Variants in TMEM108 observed in about 807,000 individuals in gnomAD.
TMEM108 encodes the protein cancer/testis antigen 124.
TMEM108 carries 12 observed loss-of-function variants against 35.1 expected under a neutral mutation model. That is an observed-to-expected ratio of 0.34 (90% CI 0.22 to 0.55). The LOEUF (loss-of-function observed/expected upper bound fraction) is 0.55, where lower values mean the gene tolerates loss of function less well. Ranked by LOEUF, TMEM108 falls within the 20% of genes least tolerant of loss-of-function variation. The pLI, the probability that TMEM108 is intolerant of heterozygous loss-of-function variation, is 0.89. For missense variants in TMEM108, 680 were observed against 753.3 expected (o/e 0.90, Z 1.14); for synonymous variants, 287 against 308.6 (o/e 0.93, Z 0.73).
intron 3 of TMEM108, among the ~76,000 whole-genome samples, chr3:133,350,059 T>A (rs979454458): frequency 2.6e-5 from 4 of 152,102 alleles, no homozygotes; most frequent in Admixed American, 1.3e-4. Context: ...AAAGACAATG[T>A]GGTATATGTA....
chr3:133,292,572 C>T (rs1358978470), intron 3 of TMEM108, among the ~76,000 whole-genome samples: 1 of 152,212 alleles, frequency 6.6e-6, no homozygotes, highest in Admixed American at 6.5e-5. Context: ...CAGGCATGAA[C>T]AGCCCACCCA....
In TMEM108 at chr3:133,285,929, G is replaced by T. The variant is rs147771245; in HGVS notation, c.40+56578G>T. ...TTATAACTGGCATTGCTATGTGTTTGAGGTGGAGGGGGCACCTCATGACAT... is the reference window on the plus strand; with the variant it reads ...TTATAACTGGCATTGCTATGTGTTTTAGGTGGAGGGGGCACCTCATGACAT... On this transcript the variant is annotated intron_variant, in intron 3 of 5. Transcript: ENST00000321871. Among the ~76,000 whole-genome samples, 34 of 152,276 alleles carry T rather than the reference G, an allele frequency of 2.2e-4. No individual in the cohort carries two copies. The East Asian group carries it at 4.8e-3, about 22-fold the overall frequency.
At chr3:133,344,747 T>A (rs1210059925) in intron 3 of TMEM108, among the ~76,000 whole-genome samples, 1 of 151,772 alleles carries the variant, frequency 6.6e-6, no homozygotes. Context: ...AAAAATTTGG[T>A]ATGAGAAAAG....
intron 2 of TMEM108, among the ~76,000 whole-genome samples, chr3:133,178,638 C>T (rs577694056): frequency 2.6e-5 from 4 of 152,206 alleles, no homozygotes; most frequent in African/African-American, 9.7e-5. Context: ...CCCTTCCTTA[C>T]ACCTTATACA....
chr3:133,224,907 C>T (rs982414768), intron 2 of TMEM108, among the ~76,000 whole-genome samples: 1 of 152,096 alleles, frequency 6.6e-6, no homozygotes, highest in South Asian at 2.1e-4. Context: ...ATCCTTAGGT[C>T]CCACCTGCTA....
At position 133,397,021 on chromosome 3, in the gene TMEM108, G is replaced by A. The variant is rs568096122; in HGVS notation, c.*1035G>A. ...AGAAGACATCATTATACTCCTACTTGGCACTGCAAACCTGCTCGCAGCACC... is the reference window on the plus strand; with the variant it reads ...AGAAGACATCATTATACTCCTACTTAGCACTGCAAACCTGCTCGCAGCACC... On this transcript the variant is annotated 3_prime_UTR_variant, in exon 6 of 6. Transcript: ENST00000321871. 3 of 152,230 alleles carry A rather than the reference G, an allele frequency of 2.0e-5. No homozygotes were observed. The East Asian group carries it at 5.8e-4, about 29-fold the overall frequency. 9.4% of individuals were successfully genotyped at this position (152,230 alleles called of 1,614,324 possible). A position where few individuals can be genotyped will look rare whatever the true frequency, so the allele number is the denominator to read the frequency against.
intron 2 of TMEM108, among the ~76,000 whole-genome samples, chr3:133,218,185 G>T (rs1297061357): frequency 1.3e-5 from 2 of 151,824 alleles, no homozygotes; most frequent in African/African-American, 4.8e-5. Context: ...AAATGGGATT[G>T]TTTTATTGCT....
intron 5 of TMEM108, among the ~76,000 whole-genome samples, chr3:133,394,771 AC>A (rs2073282013): frequency 6.6e-6 from 1 of 152,272 alleles, no homozygotes; most frequent in African/African-American, 2.4e-5. Context: ...TTCTGAAAAG[AC>A]ATTTTATCAA....
intron 3 of TMEM108, among the ~76,000 whole-genome samples, chr3:133,314,980 C>T (rs752989042): frequency 6.6e-6 from 1 of 152,182 alleles, no homozygotes; most frequent in African/African-American, 2.4e-5. Flanking sequence ...CATCACCATC[C>T]ACTGACTGTA....
At chr3:133,367,265 A>G (rs2072526978) in intron 3 of TMEM108, among the ~76,000 whole-genome samples, 2 of 152,238 alleles carry the variant, frequency 1.3e-5, no homozygotes, top group Admixed American at 1.3e-4. Context: ...TGTCAGGTGC[A>G]GCCATACAAG....
intron 3 of TMEM108, chr3:133,378,568 G>T: frequency 1.3e-5 from 13 of 984,516 alleles, no homozygotes; most frequent in Non-Finnish European, 1.6e-5. Flanking sequence ...TCAGAATCAG[G>T]CCTCAGAGGA....
At chr3:133,288,530 C>T (rs1259626173) in intron 3 of TMEM108, among the ~76,000 whole-genome samples, 1 of 152,150 alleles carries the variant, frequency 6.6e-6, no homozygotes, top group Non-Finnish European at 1.5e-5. Context: ...GTGGTACGTG[C>T]ATTTGCAGCA....
rs564393790 is a variant in TMEM108, at chr3:133,354,637, G to C, written c.41-25115G>C. On this transcript the variant is annotated intron_variant, in intron 3 of 5. Transcript: ENST00000321871. ...GGACACAAGGTCTGTGACAGAAGAG[G>C]TTGGCCATATAGCAGGGTACTTTTC... 1.2e-4 allele frequency among the ~76,000 whole-genome samples: 19 copies of C among 152,136 alleles called. No homozygotes were observed. In the South Asian group the frequency reaches 3.9e-3, roughly 32 times the overall value.
At chr3:133,197,612 C>A (rs993904198) in intron 2 of TMEM108, among the ~76,000 whole-genome samples, 1 of 152,182 alleles carries the variant, frequency 6.6e-6, no homozygotes, top group Non-Finnish European at 1.5e-5. Flanking sequence ...GCCCAACTAA[C>A]TCCCATGGCA....
chr3:133,185,784 C>CTTTTCTTTTTTTTTT (rs1441056931), intron 2 of TMEM108, among the ~76,000 whole-genome samples: 45 of 127,120 alleles, frequency 3.5e-4, no homozygotes, highest in East Asian at 1.9e-3. Context: ...CTTTTCTTTT[C>CTTTTCTTTTTTTTTT]TTTTTTTTTT....
chr3:133,262,498 G>A (rs1026976809), intron 3 of TMEM108, among the ~76,000 whole-genome samples: 4 of 152,198 alleles, frequency 2.6e-5, no homozygotes, highest in Non-Finnish European at 4.4e-5. Flanking sequence ...TTACCATAGT[G>A]ATGTAGAAAG....
At chr3:133,390,480 C>G in intron 5 of TMEM108, 146 bp downstream of exon 5, 1 of 906,068 alleles carries the variant, frequency 1.1e-6, no homozygotes, top group South Asian at 1.7e-5. Flanking sequence ...GGTTGTAGGC[C>G]CTACCCTGGT....
At chr3:133,072,814 C>T (rs1006679480) in intron 2 of TMEM108, among the ~76,000 whole-genome samples, 2 of 152,106 alleles carry the variant, frequency 1.3e-5, no homozygotes, top group Non-Finnish European at 2.9e-5. Context: ...TCATGCCCTA[C>T]CCCGTTTCCC....
intron 2 of TMEM108, among the ~76,000 whole-genome samples, chr3:133,052,460 T>A (rs1388936999): frequency 1.3e-5 from 2 of 151,746 alleles, no homozygotes; most frequent in Non-Finnish European, 2.9e-5. Flanking sequence ...TCCTTCCCAA[T>A]CTGTATTCCT....
Sources: gnomAD v4.1 joint callset for allele counts (sites outside exome capture counted in the v4.1 genomes callset) on GRCh38, gnomAD v4.1.1 for gene constraint, MANE v1.5 for transcripts, NCBI Gene and HGNC (gene_info 2026-07-23, HGNC 2026-07-21) for gene names.